VWA3B: variants seen among roughly 807,000 people sequenced by gnomAD.
The protein encoded by VWA3B is von Willebrand factor A domain containing 3B, also known as von Willebrand factor A domain-containing protein 3B.
Under a neutral mutation model 158.3 loss-of-function variants are expected in VWA3B, and 138 were observed. That is an observed-to-expected ratio of 0.87 (90% CI 0.76 to 1.00). The LOEUF is 1.00. Ranked by LOEUF, VWA3B falls within the 50% of genes least tolerant of loss-of-function variation. The pLI, the probability that VWA3B is intolerant of heterozygous loss-of-function variation, is 0.00. For synonymous variants in VWA3B, 596 were observed against 587.3 expected (o/e 1.01, Z -0.21); for missense variants, 1,555 against 1,565.1 (o/e 0.99, Z 0.11).
intron 7 of VWA3B, among the ~76,000 whole-genome samples, chr2:98,157,770 G>T (rs995356108): frequency 1.3e-5 from 2 of 152,214 alleles, no homozygotes; most frequent in African/African-American, 4.8e-5. Flanking sequence ...GAGTCCTGGG[G>T]TTGGGCAGGG....
At chr2:98,122,685 C>A (rs745459212) in intron 5 of VWA3B, among the ~76,000 whole-genome samples, 1 of 152,188 alleles carries the variant, frequency 6.6e-6, no homozygotes, top group Non-Finnish European at 1.5e-5. Flanking sequence ...GTCTATGAAC[C>A]TGGCTATTGT....
intron 7 of VWA3B, among the ~76,000 whole-genome samples, chr2:98,139,132 G>C (rs1432445597): frequency 6.6e-6 from 1 of 152,228 alleles, no homozygotes; most frequent in Non-Finnish European, 1.5e-5. Flanking sequence ...AGGCAATGAG[G>C]GGCTTAGCAC....
At position 98,128,153 on chromosome 2, in the gene VWA3B, G is replaced by A. The variant is rs145804735; in HGVS notation, c.703-86G>A. The A allele has an allele frequency of 3.8e-5, 57 of 1,489,766 alleles. No individual in the cohort carries two copies. The East Asian group carries it at 1.1e-3, about 29-fold the overall frequency. 92.3% of individuals were successfully genotyped at this position (1,489,766 alleles called of 1,614,324 possible). ...TTCTGCCCATTTTTTCTAAGAGATC[G>A]TTTTGTAGAATGGGTATTACTGATG... On this transcript the variant is annotated intron_variant, in intron 5 of 27. Transcript: ENST00000477737.
chr2:98,319,463 A>C, the VWA3B span, among the ~76,000 whole-genome samples: 1 of 152,258 alleles, frequency 6.6e-6, no homozygotes, highest in Non-Finnish European at 1.5e-5. Context: ...CAATGAAAAA[A>C]CTGACCAAAG....
chr2:98,230,848 G>C (rs1685292117), intron 16 of VWA3B, among the ~76,000 whole-genome samples: 1 of 152,134 alleles, frequency 6.6e-6, no homozygotes, highest in Admixed American at 6.5e-5. Context: ...TGGAAAGGAA[G>C]AAATAAAACT....
chr2:98,213,393 C>T (rs1324068479), intron 13 of VWA3B, among the ~76,000 whole-genome samples: 1 of 152,054 alleles, frequency 6.6e-6, no homozygotes, highest in Non-Finnish European at 1.5e-5. Context: ...GAAAGGCTGG[C>T]GCTGCCATGG....
intron 3 of VWA3B, among the ~76,000 whole-genome samples, chr2:98,116,595 C>T (rs1674549915): frequency 6.6e-6 from 1 of 152,176 alleles, no homozygotes; most frequent in African/African-American, 2.4e-5. Context: ...CAGCCTTGAC[C>T]TCCCGGGTCC....
chr2:98,134,209 G>A (rs1367119200), intron 7 of VWA3B, among the ~76,000 whole-genome samples: 1 of 152,216 alleles, frequency 6.6e-6, no homozygotes, highest in African/African-American at 2.4e-5. Context: ...GCCTGTCAAT[G>A]CCGGAGTTAG....
chr2:98,157,778 G>T (rs1033131692), intron 7 of VWA3B, among the ~76,000 whole-genome samples: 2 of 152,198 alleles, frequency 1.3e-5, no homozygotes, highest in African/African-American at 4.8e-5. Flanking sequence ...GGGTTGGGCA[G>T]GGCCACAAAC....
At chr2:98,188,812 T>C (rs1018461370) in intron 10 of VWA3B, among the ~76,000 whole-genome samples, 2 of 151,884 alleles carry the variant, frequency 1.3e-5, no homozygotes, top group East Asian at 1.9e-4. Flanking sequence ...AAAAAAAAGG[T>C]GGGGGTTGTT....
intron 6 of VWA3B, among the ~76,000 whole-genome samples, chr2:98,130,990 C>A (rs915732226): frequency 3.3e-5 from 5 of 152,164 alleles, no homozygotes; most frequent in African/African-American, 1.2e-4. Context: ...TTAACTATAG[C>A]CACCCTACTT....
Position 98,290,544 on chromosome 2 carries a change from A to G in VWA3B, c.3079A>G (p.Thr1027Ala), listed in dbSNP as rs1185884632. The change falls in exon 23 of 28, where the codon ACC becomes GCC. Residue 1027 changes from threonine to alanine, a missense_variant. Physicochemically the swap from Thr to Ala is moderately conservative, Grantham distance 58. Transcript: ENST00000477737. ...ATTGCAAGGAAATCCAACAAAGAAA[A>G]CCAAATCAAAAAGACCAGATCCCCT... ...QKLQGNPTKK[T>A]KSKRPDPLKG... The G allele has an allele frequency of 1.3e-6, 2 of 1,583,758 alleles. No individual in the cohort carries two copies. Among genetic ancestry groups the G allele is most frequent in the South Asian group, 1.2e-5 (1 of 83,884 alleles).
intron 14 of VWA3B, among the ~76,000 whole-genome samples, chr2:98,218,664 A>G (rs758812169): frequency 6.6e-6 from 1 of 152,236 alleles, no homozygotes; most frequent in African/African-American, 2.4e-5. Flanking sequence ...TGGCCTGTGC[A>G]TATGCATTTC....
intron 19 of VWA3B, among the ~76,000 whole-genome samples, chr2:98,239,447 G>A (rs1448813438): frequency 1.3e-5 from 2 of 151,980 alleles, no homozygotes; most frequent in East Asian, 3.8e-4. Flanking sequence ...ATTTAGGCAT[G>A]GTGGTACTTT....
intron 14 of VWA3B, among the ~76,000 whole-genome samples, chr2:98,221,938 A>C (rs1279377208): frequency 6.6e-6 from 1 of 152,158 alleles, no homozygotes; most frequent in Non-Finnish European, 1.5e-5. Flanking sequence ...TATCAATGAA[A>C]GTGAAAAAAG....
intron 9 of VWA3B, among the ~76,000 whole-genome samples, chr2:98,187,650 C>G (rs1239193239): frequency 7.1e-6 from 1 of 140,870 alleles, no homozygotes; most frequent in Non-Finnish European, 1.5e-5. Flanking sequence ...CCCTCTCCCT[C>G]TCCGTCTCTG....
At chr2:98,239,539 T>A (rs1685933788) in intron 19 of VWA3B, among the ~76,000 whole-genome samples, 1 of 151,684 alleles carries the variant, frequency 6.6e-6, no homozygotes, top group African/African-American at 2.4e-5. Flanking sequence ...TTTTTTTTTT[T>A]TAAATTTATG....
intron 2 of VWA3B, among the ~76,000 whole-genome samples, chr2:98,093,912 G>C (rs545510146): frequency 2.6e-5 from 4 of 152,130 alleles, no homozygotes; most frequent in Non-Finnish European, 5.9e-5. Flanking sequence ...CCTGTGCCTT[G>C]GTTATTTTAT....
At chr2:98,181,890 G>T (rs772742826) in intron 9 of VWA3B, among the ~76,000 whole-genome samples, 8 of 152,232 alleles carry the variant, frequency 5.3e-5, no homozygotes, top group Non-Finnish European at 1.0e-4. Flanking sequence ...TGCTAACACT[G>T]CTGGTCCAGG....
Sources: allele counts gnomAD v4.1 joint callset (sites outside exome capture counted in the v4.1 genomes callset), GRCh38; gene constraint gnomAD v4.1.1; transcripts MANE v1.5; gene names NCBI Gene and HGNC (gene_info 2026-07-23, HGNC 2026-07-21).